Variants in BAHCC1 observed in about 807,000 individuals in gnomAD.
BAHCC1 encodes BAH and coiled-coil domain-containing protein 1.
A neutral mutation model predicts 88.2 loss-of-function variants in BAHCC1; 43 were observed. That is an observed-to-expected ratio of 0.49 (90% CI 0.38 to 0.63). BAHCC1 has a LOEUF of 0.63. Among genes scored for constraint, BAHCC1 ranks in the 20% least tolerant of loss-of-function variants. The pLI, the probability that BAHCC1 is intolerant of heterozygous loss-of-function variation, is 0.00. For synonymous variants in BAHCC1, 1,510 were observed against 745.5 expected, an observed-to-expected ratio of 2.03 and a Z score of -16.71; for missense variants, 3,023 against 1,654.8, an observed-to-expected ratio of 1.83 and a Z score of -14.34.
At chr17:81,431,697 C>G (rs1225897188) in intron 3 of BAHCC1, among the ~76,000 whole-genome samples, 1 of 152,224 alleles carries the variant, frequency 6.6e-6, no homozygotes, top group African/African-American at 2.4e-5. Flanking sequence ...CCTGGCAATG[C>G]TGCACAGCAC....
chr17:81,452,663 A>G, intron 13 of BAHCC1, 60 bp from the exon 14 acceptor site: 1 of 663,744 alleles, frequency 1.5e-6, no homozygotes, highest in Admixed American at 2.7e-5. Flanking sequence ...CCTCGGCTGG[A>G]ACCTTGTCGG....
At position 81,444,823 on chromosome 17, in the gene BAHCC1, C is replaced by G. The variant is rs1555653883; in HGVS notation, c.2668C>G (p.Leu890Val). 2 of 775,250 alleles carry G rather than the reference C, an allele frequency of 2.6e-6. No individual in the cohort carries two copies. Among genetic ancestry groups the G allele is most frequent in the South Asian group, 1.4e-5 (1 of 74,066 alleles). 48.0% of individuals were successfully genotyped at this position (775,250 alleles called of 1,614,324 possible). Residue 890 changes from leucine (L) to valine (V), a missense_variant, in exon 8 of 28, where the codon CTT becomes GTT. Physicochemically the swap from Leu to Val is conservative, Grantham distance 32. Coordinates refer to ENST00000675386, the MANE Select transcript of BAHCC1 (RefSeq NM_001377448.1). ...CACACCCCACAGCGCCCCCCACGCACTTGGTAAGGGCCCCTGGTCCAGGCT... is the reference window on the plus strand; with the variant it reads ...CACACCCCACAGCGCCCCCCACGCAGTTGGTAAGGGCCCCTGGTCCAGGCT... ...EPTPHSAPHA[L>V]ADVMDQASLW...
chr17:81,454,274 C>T (rs1012597628), intron 14 of BAHCC1, among the ~76,000 whole-genome samples: 3 of 152,180 alleles, frequency 2.0e-5, no homozygotes, highest in Admixed American at 2.0e-4. Flanking sequence ...TGTTTTGGGG[C>T]ATCTGGAGGT....
At chr17:81,422,305 C>G (rs2064125472) in intron 2 of BAHCC1, among the ~76,000 whole-genome samples, 1 of 152,254 alleles carries the variant, frequency 6.6e-6, no homozygotes, top group Non-Finnish European at 1.5e-5. Flanking sequence ...GCCACCGTGT[C>G]TGGTCTCTCT....
chr17:81,396,782 C>A (rs1292657674), intron 1 of BAHCC1: 1 of 152,256 alleles, frequency 6.6e-6, no homozygotes, highest in African/African-American at 2.4e-5. Context: ...GCCCTGCCTT[C>A]CCGGGAGGGA....
intron 3 of BAHCC1, among the ~76,000 whole-genome samples, chr17:81,431,801 G>C (rs939794077): frequency 0.084 from 12,721 of 152,222 alleles, 622 homozygotes; most frequent in Middle Eastern, 0.14. Flanking sequence ...CCTGCCCTCT[G>C]ACCTGCCGTG....
At chr17:81,414,099 C>A (rs1309331150) in intron 2 of BAHCC1, among the ~76,000 whole-genome samples, 2 of 152,204 alleles carry the variant, frequency 1.3e-5, no homozygotes, top group East Asian at 3.8e-4. Context: ...CTTCTGAGCC[C>A]TGACCCGTGC....
At chr17:81,463,412 C>T (rs2030474296) in intron 27 of BAHCC1, among the ~76,000 whole-genome samples, 199 bp from the exon 28 acceptor site, 1 of 152,232 alleles carries the variant, frequency 6.6e-6, no homozygotes, top group South Asian at 2.1e-4. Context: ...CAGAGGGTCC[C>T]CGGCAGGTTC....
chr17:81,459,263 GTCA>G lies in BAHCC1; in HGVS notation c.5734_5736del (p.Ile1912del). The G allele has an allele frequency of 1.3e-6, 1 of 779,376 alleles. No homozygotes were observed. The highest frequency in any genetic ancestry group is 2.4e-6 in the Non-Finnish European group (1 of 417,690). The allele number at this position is 779,376 out of a possible 1,614,324, so 48.3% of individuals were successfully genotyped here. ...CCCCAATGCCCCCAGCTATAGCATC[GTCA>G]TCGAGGGCGAGAGGGGCAACCGGCA... On this transcript the variant is annotated inframe_deletion, in exon 22 of 28. Transcript: ENST00000675386.
At position 81,457,416 on chromosome 17, in the gene BAHCC1, G is replaced by C. The variant is rs1555657571; in HGVS notation, c.4865G>C (p.Gly1622Ala). ...SVAASQEAGSGYDSEDCEGLL... is the reference protein window; with the variant it reads ...SVAASQEAGSAYDSEDCEGLL... ...CCCTCTGCCTCTCTCCCAGGCAGTG[G>C]CTATGACAGTGAGGACTGCGAGGGT... Residue 1622 changes from glycine (G) to alanine (A), a missense_variant, in exon 17 of 28, where the codon GGC becomes GCC. By Grantham distance (60) the Gly-to-Ala change is moderately conservative. Transcript: ENST00000675386. 1 of 769,554 alleles carries C rather than the reference G, an allele frequency of 1.3e-6. No homozygotes were observed. Among genetic ancestry groups the C allele is most frequent in the South Asian group, 1.4e-5 (1 of 72,560 alleles). The allele number at this position is 769,554 out of a possible 1,614,324, so 47.7% of individuals were successfully genotyped here. A position where few individuals can be genotyped will look rare whatever the true frequency, so the allele number is the denominator to read the frequency against.
intron 2 of BAHCC1, among the ~76,000 whole-genome samples, chr17:81,418,329 GCC>G (rs2064061551): frequency 6.6e-6 from 1 of 152,174 alleles, no homozygotes; most frequent in Non-Finnish European, 1.5e-5. Context: ...GCTGGGCCTG[GCC>G]ACGTGACCTG....
intron 4 of BAHCC1, 61 bp from the exon 5 acceptor site, chr17:81,441,770 G>A (rs2064420830): frequency 2.0e-6 from 1 of 509,156 alleles, no homozygotes; most frequent in Non-Finnish European, 3.6e-6. Context: ...CCTGTCTCAG[G>A]GAGTCTTTCT....
chr17:81,449,071 C>T (rs906554111), intron 11 of BAHCC1, among the ~76,000 whole-genome samples: 3 of 152,184 alleles, frequency 2.0e-5, no homozygotes, highest in Non-Finnish European at 2.9e-5. Context: ...GGCCGGTCTG[C>T]CTGTGTGAAT....
intron 2 of BAHCC1, among the ~76,000 whole-genome samples, chr17:81,414,096 G>A (rs1205385894): frequency 1.3e-5 from 2 of 152,214 alleles, no homozygotes; most frequent in Non-Finnish European, 2.9e-5. Flanking sequence ...TGCCTTCTGA[G>A]CCCTGACCCG....
At chr17:81,429,192 G>A (rs1042507743) in intron 3 of BAHCC1, among the ~76,000 whole-genome samples, 208 of 152,298 alleles carry the variant, frequency 1.4e-3, no homozygotes, top group Admixed American at 2.7e-3. Flanking sequence ...GGACAAGGGG[G>A]TGCAGGGCGT....
intron 2 of BAHCC1, chr17:81,413,001 A>G: frequency 3.4e-6 from 1 of 298,426 alleles, no homozygotes; most frequent in Non-Finnish European, 7.1e-6. Flanking sequence ...TTGCGGGGGC[A>G]GTGGGTGGGT....
At chr17:81,433,129 G>A (rs1212547545) in intron 3 of BAHCC1, among the ~76,000 whole-genome samples, 2 of 151,584 alleles carry the variant, frequency 1.3e-5, no homozygotes, top group African/African-American at 2.4e-5. Flanking sequence ...GCAGGCCTGT[G>A]GATGGGGAAG....
In BAHCC1 at chr17:81,444,763, GC is replaced by G; in HGVS notation, c.2613del (p.Thr872HisfsTer102). On this transcript the variant is annotated frameshift_variant, in exon 8 of 28. Coordinates refer to ENST00000675386, the MANE Select transcript of BAHCC1 (RefSeq NM_001377448.1). LOFTEE classifies it high-confidence loss of function. ...CTCTGTCTTCCCCCTCCCACAGGAC[GC>G]CCCCACACAGCTGGTCATCCTGCCC... ...VPSVFPLPQDAPTQLVILPSE... is the reference protein window; with the variant it reads ...VPSVFPLPQDXPTQLVILPSE... 1.3e-6 allele frequency: 1 copy of G among 778,340 alleles called. No homozygotes were observed. The allele number at this position is 778,340 out of a possible 1,614,324, so 48.2% of individuals were successfully genotyped here.
chr17:81,415,864 C>T (rs1270165737), intron 2 of BAHCC1, among the ~76,000 whole-genome samples: 1 of 152,264 alleles, frequency 6.6e-6, no homozygotes, highest in African/African-American at 2.4e-5. Flanking sequence ...CAACTACCCA[C>T]AGAACCATCG....
Sources: gnomAD v4.1 joint callset for allele counts (sites outside exome capture counted in the v4.1 genomes callset) on GRCh38, gnomAD v4.1.1 for gene constraint, MANE v1.5 for transcripts, NCBI Gene and HGNC (gene_info 2026-07-23, HGNC 2026-07-21) for gene names.